The following EDAR variants were observed in gnomAD, a reference collection of about 807,000 sequenced individuals.
The protein encoded by EDAR is ectodysplasin A receptor.
In EDAR, 38 loss-of-function variants were observed where a neutral mutation model predicts 51.3. The ratio of observed to expected loss-of-function variants is 0.74; its 90% CI spans 0.57 to 0.97. The LOEUF (loss-of-function observed/expected upper bound fraction) is 0.97. EDAR is among the 50% of genes least tolerant of loss of function. The pLI is 0.00. For missense variants in EDAR, 528 were observed against 595.0 expected (o/e 0.89, Z 1.17); for synonymous variants, 227 against 242.1 (o/e 0.94, Z 0.58).
At chr2:108,912,440 G>A (rs948763797) in intron 6 of EDAR, among the ~76,000 whole-genome samples, 5 of 152,062 alleles carry the variant, frequency 3.3e-5, no homozygotes, top group Admixed American at 2.6e-4. Context: ...CTATGCCCCC[G>A]CCTTCACCAC....
chr2:108,949,655 G>A (rs1039628037), intron 1 of EDAR, among the ~76,000 whole-genome samples: 1 of 152,188 alleles, frequency 6.6e-6, no homozygotes, highest in African/African-American at 2.4e-5. Context: ...TGAGGTTGGA[G>A]GATTGGTTTG....
chr2:108,937,663 T>C (rs913197897), intron 1 of EDAR, among the ~76,000 whole-genome samples: 3 of 151,880 alleles, frequency 2.0e-5, no homozygotes, highest in Admixed American at 2.0e-4. Context: ...TGTATGTTTA[T>C]ATGTGTGAGT....
rs1696558266 is a variant in EDAR, at chr2:108,895,161, A to AATG, written c.*1743_*1745dup. 2 of 152,638 alleles carry AATG rather than the reference A, an allele frequency of 1.3e-5. No homozygotes were observed. Among genetic ancestry groups the AATG allele is most frequent in the African/African-American group, 4.8e-5 (2 of 41,442 alleles). 9.5% of individuals were successfully genotyped at this position (152,638 alleles called of 1,614,324 possible). Reference sequence around the variant, plus strand: ...AAAACAGCAGCAAACAGACACAGTAAATGATGATATTAAATATTCAGGACC... The same window carrying AATG: ...AAAACAGCAGCAAACAGACACAGTAAATGATGATGATATTAAATATTCAGGACC... On this transcript the variant is annotated 3_prime_UTR_variant, in exon 12 of 12. Transcript: ENST00000258443.
At chr2:108,920,982 A>G (rs1454062783) in intron 5 of EDAR, among the ~76,000 whole-genome samples, 1 of 152,148 alleles carries the variant, frequency 6.6e-6, no homozygotes, top group Admixed American at 6.5e-5. Context: ...AACCTACCGT[A>G]GTGGTTCCCA....
At chr2:108,939,814 G>A (rs973303464) in intron 1 of EDAR, among the ~76,000 whole-genome samples, 1 of 152,168 alleles carries the variant, frequency 6.6e-6, no homozygotes, top group Non-Finnish European at 1.5e-5. Flanking sequence ...GAGATATTTG[G>A]AAAGCAATAC....
chr2:108,943,354 G>T (rs1697646529), intron 1 of EDAR, among the ~76,000 whole-genome samples: 1 of 152,196 alleles, frequency 6.6e-6, no homozygotes. Flanking sequence ...GGGGATCAGA[G>T]TAAAACCTTT....
chr2:108,953,233 C>T (rs1697858285), intron 1 of EDAR, among the ~76,000 whole-genome samples: 2 of 152,190 alleles, frequency 1.3e-5, no homozygotes, highest in Admixed American at 6.5e-5. Flanking sequence ...TTGCTTATCC[C>T]TGTGAGGCAT....
At chr2:108,910,885 T>C (rs1342164969) in intron 7 of EDAR, 35 bp from the exon 8 acceptor site, 1 of 1,614,002 alleles carries the variant, frequency 6.2e-7, no homozygotes, top group South Asian at 1.1e-5. Context: ...AGCCAGGCTC[T>C]CCGACAGGGG....
At chr2:108,927,622 T>C (rs1246157206) in intron 4 of EDAR, among the ~76,000 whole-genome samples, 1 of 151,766 alleles carries the variant, frequency 6.6e-6, no homozygotes, top group East Asian at 1.9e-4. Flanking sequence ...CTCCCTGCAG[T>C]AGGAATTTGC....
chr2:108,984,923 G>A (rs1698473128), intron 1 of EDAR, among the ~76,000 whole-genome samples: 1 of 152,168 alleles, frequency 6.6e-6, no homozygotes, highest in Non-Finnish European at 1.5e-5. Flanking sequence ...GTGCATGCAG[G>A]ATTCTGTGCA....
At chr2:108,920,875 C>T (rs1343260508) in intron 5 of EDAR, among the ~76,000 whole-genome samples, 1 of 152,106 alleles carries the variant, frequency 6.6e-6, no homozygotes, top group Non-Finnish European at 1.5e-5. Flanking sequence ...GGGCAGTGGG[C>T]ACCACTGGGA....
intron 5 of EDAR, among the ~76,000 whole-genome samples, chr2:108,915,164 A>G (rs1235990237): frequency 1.3e-5 from 2 of 152,158 alleles, no homozygotes; most frequent in African/African-American, 4.8e-5. Flanking sequence ...TTGGCCTCCC[A>G]AAGTGCTGGG....
intron 5 of EDAR, among the ~76,000 whole-genome samples, chr2:108,914,204 G>A (rs1696985518): frequency 6.6e-6 from 1 of 150,546 alleles, no homozygotes; most frequent in African/African-American, 2.5e-5. Context: ...AGGTTGCAGT[G>A]AGCCGAGATC....
Position 108,932,767 on chromosome 2 carries a change from T to C in EDAR, c.-18-1735A>G, listed in dbSNP as rs192320712. On this transcript the variant is annotated intron_variant, in intron 1 of 11. Coordinates refer to ENST00000258443, the MANE Select transcript of EDAR (RefSeq NM_022336.4). ...GGAGATGCACCCAATGCCAAGTACA[T>C]ATGTGTTTTTAACACATAAACCGTG... Among the ~76,000 whole-genome samples, 169 of 152,274 alleles carry C rather than the reference T, an allele frequency of 1.1e-3. 1 individual carries two copies. Among genetic ancestry groups the C allele is most frequent in the African/African-American group, 4.0e-3 (167 of 41,552 alleles).
At chr2:108,974,929 G>C (rs1026082969) in intron 1 of EDAR, among the ~76,000 whole-genome samples, 1 of 152,122 alleles carries the variant, frequency 6.6e-6, no homozygotes, top group Admixed American at 6.5e-5. Flanking sequence ...GGTGTGCAGG[G>C]CTCTGGTGGA....
chr2:108,908,117 C>T (rs928241067), intron 9 of EDAR, 98 bp from the exon 10 acceptor site: 1 of 1,343,638 alleles, frequency 7.4e-7, no homozygotes, highest in Non-Finnish European at 1.0e-6. Flanking sequence ...CAGCTGTGGA[C>T]AGTGGGGGGC....
rs757233170 is a variant in EDAR, at chr2:108,929,381, T to C, written c.175-2A>G. 1.9e-6 allele frequency: 3 copies of C among 1,613,922 alleles called. No homozygotes were observed. The African/African-American group carries it at 4.0e-5, about 22-fold the overall frequency. On this transcript the variant is annotated splice_acceptor_variant, in intron 3 of 11. Transcript: ENST00000258443. LOFTEE classifies it high-confidence loss of function. The stretch of plus-strand genomic sequence containing the variant: ...GTCTTTGGTGCCGTAGCCACAGGAC[T>C]GTCCAGGGAAAGAGGACAGGGGACA...
intron 1 of EDAR, among the ~76,000 whole-genome samples, chr2:108,960,911 G>C (rs1698026003): frequency 6.6e-6 from 1 of 152,164 alleles, no homozygotes; most frequent in South Asian, 2.1e-4. Flanking sequence ...ATCCCCTAAG[G>C]CTGGACATTC....
intron 11 of EDAR, among the ~76,000 whole-genome samples, chr2:108,899,501 GC>G (rs1169681749): frequency 1.3e-5 from 2 of 152,288 alleles, no homozygotes; most frequent in East Asian, 1.9e-4. Flanking sequence ...AACATAGTGA[GC>G]AAAAATATGG....
Sources: gnomAD v4.1 joint callset for allele counts (sites outside exome capture counted in the v4.1 genomes callset) on GRCh38, gnomAD v4.1.1 for gene constraint, MANE v1.5 for transcripts, NCBI Gene and HGNC (gene_info 2026-07-23, HGNC 2026-07-21) for gene names.